Variants in CERT1 observed in about 807,000 individuals in gnomAD.
The protein encoded by CERT1 is ceramide transfer protein.
In CERT1, 31 loss-of-function variants were observed where a neutral mutation model predicts 87.9. That is an observed-to-expected ratio of 0.35 (90% CI 0.27 to 0.48). The LOEUF (loss-of-function observed/expected upper bound fraction) is 0.48. Among genes scored for constraint, CERT1 ranks in the 20% least tolerant of loss-of-function variants. The pLI, the probability that CERT1 is intolerant of heterozygous loss-of-function variation, is 0.99. For missense variants in CERT1, 487 were observed against 758.0 expected (o/e 0.64, Z 4.20); for synonymous variants, 289 against 250.9 (o/e 1.15, Z -1.44).
At chr5:75,444,069 CA>C (rs1293344502) in intron 3 of CERT1, among the ~76,000 whole-genome samples, 2 of 151,988 alleles carry the variant, frequency 1.3e-5, no homozygotes, top group Non-Finnish European at 2.9e-5. Flanking sequence ...TATAGTTGAT[CA>C]TTTTTTTTGT....
intron 2 of CERT1, among the ~76,000 whole-genome samples, chr5:75,504,587 T>A (rs1767566592): frequency 6.6e-6 from 1 of 152,220 alleles, no homozygotes; most frequent in Admixed American, 6.5e-5. Context: ...ATTATATATA[T>A]ATCTTTCACT....
Position 75,507,308 on chromosome 5 carries a change from G to A in CERT1, c.97-1192C>T, listed in dbSNP as rs549559742. On this transcript the variant is annotated intron_variant, in intron 1 of 16. Coordinates refer to ENST00000643780, the MANE Select transcript of CERT1 (RefSeq NM_001379029.1). ...TAATTTTTTGTAGAAATGAGGTTTC[G>A]CTATGGTGCCAAGGCTCGTCTCAAA... 4.0e-4 allele frequency among the ~76,000 whole-genome samples: 61 copies of A among 152,060 alleles called. No homozygotes were observed. The South Asian group carries it at 0.011, about 28-fold the overall frequency.
At chr5:75,386,970 C>T (rs1011273131) in intron 12 of CERT1, among the ~76,000 whole-genome samples, 4 of 152,122 alleles carry the variant, frequency 2.6e-5, no homozygotes, top group African/African-American at 4.8e-5. Context: ...CAGGTTCAAG[C>T]GATTCTCCTG....
At chr5:75,396,763 C>T (rs1463929309) in intron 11 of CERT1, among the ~76,000 whole-genome samples, 1 of 151,118 alleles carries the variant, frequency 6.6e-6, no homozygotes, top group East Asian at 1.9e-4. Flanking sequence ...CAGAAAAGAC[C>T]GATGCAATGT....
rs1298793984 is a variant in CERT1 at position 75,382,009 on chromosome 5, A to G, written c.1557T>C (p.Thr519=). ...CTATCCAAGTTTCAGGGTCATTTTCAGTCAAGGCTGGTATCTTTCGAATGA... is the reference window on the plus strand; with the variant it reads ...CTATCCAAGTTTCAGGGTCATTTTCGGTCAAGGCTGGTATCTTTCGAATGA... ...LSVIRKIPAL[T]ENDPETWIVC... Residue 519 remains threonine (T), a synonymous_variant, in exon 15 of 17, where the codon ACT becomes ACC. Coordinates refer to ENST00000643780, the MANE Select transcript of CERT1 (RefSeq NM_001379029.1). 10 of 1,613,936 alleles carry G rather than the reference A, an allele frequency of 6.2e-6. No individual in the cohort carries two copies. In the South Asian group the frequency reaches 9.9e-5, roughly 16 times the overall value.
chr5:75,466,493 T>G (rs1373001885), intron 2 of CERT1, among the ~76,000 whole-genome samples: 1 of 152,196 alleles, frequency 6.6e-6, no homozygotes, highest in African/African-American at 2.4e-5. Flanking sequence ...CCCTTCTAGA[T>G]GTCTGAGACC....
intron 3 of CERT1, 93 bp from the exon 4 acceptor site, chr5:75,426,571 C>G: frequency 2.3e-6 from 2 of 853,904 alleles, no homozygotes. Flanking sequence ...GTTATTATAA[C>G]AATTGGCAGT....
chr5:75,485,024 G>A (rs1766441746), intron 2 of CERT1, among the ~76,000 whole-genome samples: 1 of 152,018 alleles, frequency 6.6e-6, no homozygotes, highest in Admixed American at 6.6e-5. Flanking sequence ...TACCTTCTCT[G>A]ACCACAATGC....
chr5:75,473,486 C>T (rs1197017039), intron 2 of CERT1, among the ~76,000 whole-genome samples: 11 of 151,218 alleles, frequency 7.3e-5, no homozygotes, highest in Non-Finnish European at 1.0e-4. Context: ...AGACAAATAA[C>T]GCATTATTTC....
At chr5:75,414,097 T>G (rs1192973709) in intron 7 of CERT1, among the ~76,000 whole-genome samples, 2 of 152,190 alleles carry the variant, frequency 1.3e-5, no homozygotes, top group Admixed American at 1.3e-4. Flanking sequence ...TATAACAACA[T>G]GAATGAATCT....
chr5:75,380,238 A>G (rs1477169969), intron 16 of CERT1, among the ~76,000 whole-genome samples: 2 of 152,230 alleles, frequency 1.3e-5, no homozygotes, highest in African/African-American at 2.4e-5. Flanking sequence ...ACCTATCCAA[A>G]GTGAAACAAA....
At chr5:75,423,578 A>C (rs1444554713) in intron 5 of CERT1, among the ~76,000 whole-genome samples, 5 of 152,180 alleles carry the variant, frequency 3.3e-5, no homozygotes, top group Admixed American at 3.3e-4. Context: ...TCATCTCTAC[A>C]AAAAATTTAA....
At chr5:75,385,013 A>C (rs916133512) in intron 13 of CERT1, among the ~76,000 whole-genome samples, 6 of 151,942 alleles carry the variant, frequency 3.9e-5, no homozygotes, top group Non-Finnish European at 8.8e-5. Flanking sequence ...TAACACTAAA[A>C]CCCTTCCCTT....
At chr5:75,370,795 T>C (rs1169317505) in intron 17 of CERT1, 1 of 151,806 alleles carries the variant, frequency 6.6e-6, no homozygotes, top group Non-Finnish European at 1.5e-5. Context: ...CTACTAAAAA[T>C]ACAAAAATTA....
intron 2 of CERT1, among the ~76,000 whole-genome samples, chr5:75,490,900 T>C (rs1766759381): frequency 6.6e-6 from 1 of 152,202 alleles, no homozygotes. Context: ...CAATTCTTTT[T>C]GCATTTTTCC....
intron 8 of CERT1, among the ~76,000 whole-genome samples, chr5:75,403,609 T>C (rs767078767): frequency 2.6e-5 from 4 of 152,222 alleles, no homozygotes; most frequent in African/African-American, 7.2e-5. Context: ...ACAAGAACTA[T>C]AGCTAATAAG....
downstream of CERT1, chr5:75,374,761 A>C: frequency 1.8e-6 from 1 of 554,162 alleles, no homozygotes. Context: ...CTCCACCCCA[A>C]TTTAGACCTG....
At chr5:75,465,530 TAAG>T (rs1193410025) in intron 2 of CERT1, among the ~76,000 whole-genome samples, 18 of 152,346 alleles carry the variant, frequency 1.2e-4, no homozygotes, top group Middle Eastern at 6.8e-3. Flanking sequence ...CTTGCTCACT[TAAG>T]AAGAAAAGGA....
chr5:75,400,099 T>G, intron 10 of CERT1, 106 bp downstream of exon 10: 2 of 819,590 alleles, frequency 2.4e-6, no homozygotes, highest in Non-Finnish European at 3.9e-6. Flanking sequence ...GCCACTGCAC[T>G]CCACTCTGGT....
Sources: gnomAD v4.1 joint callset for allele counts (sites outside exome capture counted in the v4.1 genomes callset) on GRCh38, gnomAD v4.1.1 for gene constraint, MANE v1.5 for transcripts, NCBI Gene and HGNC (gene_info 2026-07-23, HGNC 2026-07-21) for gene names.